The following SAMSN1 variants were observed in gnomAD, a reference collection of about 807,000 sequenced individuals.
SAMSN1 encodes the protein SAM domain-containing protein SAMSN-1.
Under a neutral mutation model 42.0 loss-of-function variants are expected in SAMSN1, and 31 were observed. The observed-to-expected ratio is 0.74, with a 90% CI of 0.55 to 1.00. The LOEUF is 1.00. SAMSN1 is among the 50% of genes least tolerant of loss of function. The probability of loss-of-function intolerance (pLI) is 0.00; values close to 1 mark genes in which losing one functional copy is unlikely to be tolerated. For synonymous variants in SAMSN1, 178 were observed against 151.9 expected, an observed-to-expected ratio of 1.17 and a Z score of -1.26; for missense variants, 464 against 439.4, an observed-to-expected ratio of 1.06 and a Z score of -0.50.
chr21:14,658,850 T>C (rs914054155), upstream of SAMSN1: 1 of 711,076 alleles, frequency 1.4e-6, no homozygotes, highest in East Asian at 2.7e-5. Flanking sequence ...CCTTCACAGC[T>C]GTTTGGCCAG....
intron 2 of SAMSN1, among the ~76,000 whole-genome samples, chr21:14,635,161 A>T (rs460786): frequency 0.74 from 112,393 of 151,968 alleles, 42,823 homozygotes; most frequent in Middle Eastern, 0.88. Context: ...GAGGGGAACA[A>T]CACACACCAG....
intron 2 of SAMSN1, among the ~76,000 whole-genome samples, chr21:14,571,570 C>A (rs1981302196): frequency 6.6e-6 from 1 of 152,102 alleles, no homozygotes; most frequent in Non-Finnish European, 1.5e-5. Flanking sequence ...CTTCATTTTT[C>A]ATTCTTTCTG....
Position 14,538,216 on chromosome 21 carries a change from A to G in SAMSN1, c.57+7989T>C, listed in dbSNP as rs532639109. ...CCGTTTTTTAAAGGGGAAAAGAGTAAATCTAACATATTACCTACATTTTAT... is the reference window on the plus strand; with the variant it reads ...CCGTTTTTTAAAGGGGAAAAGAGTAGATCTAACATATTACCTACATTTTAT... On this transcript the variant is annotated intron_variant, in intron 1 of 7. Coordinates refer to ENST00000400566, the MANE Select transcript of SAMSN1 (RefSeq NM_022136.5). Among the ~76,000 whole-genome samples the G allele has an allele frequency of 2.0e-5, 3 of 152,304 alleles. No individual in the cohort carries two copies. In the East Asian group the frequency reaches 5.8e-4, roughly 29 times the overall value.
intron 2 of SAMSN1, among the ~76,000 whole-genome samples, chr21:14,553,107 T>C (rs2123181716): frequency 6.6e-6 from 1 of 152,234 alleles, no homozygotes; most frequent in Non-Finnish European, 1.5e-5. Flanking sequence ...TTTCTTGATT[T>C]ATGCATTAGG....
chr21:14,593,994 C>A (rs1568823769), intron 7 of SAMSN1: 1 of 715,400 alleles, frequency 1.4e-6, no homozygotes, highest in Non-Finnish European at 2.6e-6. Flanking sequence ...ATAGTTACAT[C>A]TGGGAAGAAA....
At chr21:14,598,194 G>T (rs71315780) in intron 6 of SAMSN1, 3 of 152,076 alleles carry the variant, frequency 2.0e-5, no homozygotes, top group Non-Finnish European at 4.4e-5. Flanking sequence ...CAGCACTGAA[G>T]GTAATAAATA....
At chr21:14,529,128 A>C (rs751340881) in intron 1 of SAMSN1, among the ~76,000 whole-genome samples, 4 of 152,134 alleles carry the variant, frequency 2.6e-5, no homozygotes, top group Non-Finnish European at 5.9e-5. Context: ...CTGTGGACGA[A>C]CTCATTTATA....
At chr21:14,617,778 C>G (rs1163669541) in intron 2 of SAMSN1, among the ~76,000 whole-genome samples, 7 of 152,186 alleles carry the variant, frequency 4.6e-5, no homozygotes, top group Non-Finnish European at 8.8e-5. Context: ...CTTCTTATAT[C>G]AGGATTCCTC....
chr21:14,619,757 G>A (rs1191565685), intron 2 of SAMSN1: 1 of 206,632 alleles, frequency 4.8e-6, no homozygotes, highest in South Asian at 7.0e-5. Flanking sequence ...CTTCAGAAAT[G>A]AAGTCCCTAA....
chr21:14,533,185 G>GGGATTACA (rs1259803234), intron 1 of SAMSN1, among the ~76,000 whole-genome samples: 1 of 151,966 alleles, frequency 6.6e-6, no homozygotes, highest in African/African-American at 2.4e-5. Context: ...CCAAAGCATT[G>GGGATTACA]GGATTACAGG....
intron 2 of SAMSN1, among the ~76,000 whole-genome samples, chr21:14,555,129 C>A (rs1980721739): frequency 6.6e-6 from 1 of 152,202 alleles, no homozygotes; most frequent in South Asian, 2.1e-4. Context: ...AGTTTCCTTG[C>A]TGCCTTCAAA....
intron 7 of SAMSN1, among the ~76,000 whole-genome samples, chr21:14,590,597 C>T (rs891673064): frequency 8.7e-3 from 64 of 7,338 alleles, no homozygotes; most frequent in African/African-American, 0.021. Flanking sequence ...ATTCTATAAA[C>T]AACTACAAAA....
At chr21:14,505,217 A>C (rs1987345594) in intron 5 of SAMSN1, among the ~76,000 whole-genome samples, 1 of 152,242 alleles carries the variant, frequency 6.6e-6, no homozygotes, top group Non-Finnish European at 1.5e-5. Flanking sequence ...TACAGGCAAC[A>C]AATAGCATGA....
At chr21:14,513,195 T>C (rs77181402) in intron 3 of SAMSN1, among the ~76,000 whole-genome samples, 1,970 of 152,316 alleles carry the variant, frequency 0.013, 32 homozygotes, top group Middle Eastern at 0.044. Flanking sequence ...CTTGAAAACA[T>C]CTCCAATGTT....
intron 2 of SAMSN1, among the ~76,000 whole-genome samples, chr21:14,628,079 G>A (rs1983230202): frequency 6.6e-6 from 1 of 152,074 alleles, no homozygotes; most frequent in Non-Finnish European, 1.5e-5. Context: ...TCTGCAATAA[G>A]ACTTAAAAAT....
intron 1 of SAMSN1, among the ~76,000 whole-genome samples, chr21:14,646,788 A>G (rs2123388325): frequency 6.6e-6 from 1 of 152,350 alleles, no homozygotes; most frequent in East Asian, 1.9e-4. Flanking sequence ...GTTAATGTAT[A>G]GAGTTTTAAT....
At position 14,577,664 on chromosome 21, in the gene SAMSN1, A is replaced by G. The variant is rs543838213; in HGVS notation, c.261+4472T>C. Among the ~76,000 whole-genome samples the G allele has an allele frequency of 9.5e-4, 145 of 152,156 alleles. 1 individual carries two copies. Among genetic ancestry groups the G allele is most frequent in the Middle Eastern group, 3.4e-3 (1 of 294 alleles). The stretch of plus-strand genomic sequence containing the variant: ...TAAGTACTCTTCAGTTATTCTTCTT[A>G]TAAATTGATTTGAAACACTTGGCTT... On this transcript the variant is annotated intron_variant, in intron 2 of 8. Transcript: ENST00000285670.
At chr21:14,584,112 T>C (rs1267122744), upstream of SAMSN1, among the ~76,000 whole-genome samples, 2 of 152,060 alleles carry the variant, frequency 1.3e-5, no homozygotes, top group African/African-American at 2.4e-5. Flanking sequence ...CTTTGCAGTG[T>C]AATATAGATG....
chr21:14,495,538 ATC>A (rs536147146), intron 7 of SAMSN1, among the ~76,000 whole-genome samples: 2 of 152,138 alleles, frequency 1.3e-5, no homozygotes, highest in Non-Finnish European at 2.9e-5. Context: ...CACTGGTTGA[ATC>A]TGTATTTTTT....
Sources: gnomAD v4.1 joint callset for allele counts (sites outside exome capture counted in the v4.1 genomes callset) on GRCh38, gnomAD v4.1.1 for gene constraint, MANE v1.5 for transcripts, NCBI Gene and HGNC (gene_info 2026-07-23, HGNC 2026-07-21) for gene names.